Variants in PHOSPHO1 observed in about 807,000 individuals in gnomAD.
PHOSPHO1 encodes phosphoethanolamine/phosphocholine phosphatase.
In PHOSPHO1, 6 loss-of-function variants were observed where a neutral mutation model predicts 17.7. The observed-to-expected ratio is 0.34, with a 90% CI of 0.19 to 0.67. PHOSPHO1 has a LOEUF of 0.67. Among genes scored for constraint, PHOSPHO1 ranks in the 30% least tolerant of loss-of-function variants. The pLI is 0.69. For synonymous variants in PHOSPHO1, 159 were observed against 174.6 expected (o/e 0.91, Z 0.71); for missense variants, 330 against 392.1 (o/e 0.84, Z 1.34).
chr17:49,227,453 G>A (rs2043368371), intron 1 of PHOSPHO1, among the ~76,000 whole-genome samples: 1 of 152,138 alleles, frequency 6.6e-6, no homozygotes, highest in Non-Finnish European at 1.5e-5. Flanking sequence ...CAGTGGCAAA[G>A]GACACCACCT....
Position 49,224,076 on chromosome 17 carries a change from G to C in PHOSPHO1, c.*170C>G. ...CGAGGTGGGTTAACTGAATAGATAG[G>C]GACGGCTCTGAGCCCCCTTCCCCAA... is the stretch of plus-strand genomic sequence containing the variant. On this transcript the variant is annotated 3_prime_UTR_variant, in exon 3 of 3. Transcript: ENST00000310544. 1 of 1,010,412 alleles carries C rather than the reference G, an allele frequency of 9.9e-7. No individual in the cohort carries two copies. Among genetic ancestry groups the C allele is most frequent in the Non-Finnish European group, 1.4e-6 (1 of 715,810 alleles). The allele number at this position is 1,010,412 out of a possible 1,614,324, so 62.6% of individuals were successfully genotyped here.
rs1387466181 is a variant in PHOSPHO1 at position 49,224,899 on chromosome 17, G to A, written c.151C>T (p.Pro51Ser). 1.2e-6 allele frequency: 2 copies of A among 1,601,418 alleles called. No individual in the cohort carries two copies. Among genetic ancestry groups the A allele is most frequent in the African/African-American group, 2.7e-5 (2 of 74,714 alleles). ...NSDDSIVRAAPGQRLPESLRA... is the reference protein window; with the variant it reads ...NSDDSIVRAASGQRLPESLRA... ...AGGCTCTCCGGGAGCCGCTGGCCCG[G>A]CGCGGCGCGCACGATCGAATCGTCG... The change falls in exon 3 of 3, where the codon CCG becomes TCG. Residue 51 changes from proline (P) to serine (S), a missense_variant. Physicochemically the swap from Pro to Ser is moderately conservative, Grantham distance 74. Transcript: ENST00000310544.
intron 1 of PHOSPHO1, among the ~76,000 whole-genome samples, chr17:49,228,032 T>C (rs1479746777): frequency 6.6e-6 from 1 of 152,142 alleles, no homozygotes; most frequent in East Asian, 1.9e-4. Context: ...ACCTTCCAGA[T>C]TCCCAGCTGA....
At chr17:49,228,517 G>C (rs563054788) in intron 1 of PHOSPHO1, among the ~76,000 whole-genome samples, 3 of 151,938 alleles carry the variant, frequency 2.0e-5, no homozygotes, top group Admixed American at 1.3e-4. Context: ...AAGGCCGGGC[G>C]TGGTGGCTCA....
chr17:49,230,212 CG>C (rs2043399558), intron 1 of PHOSPHO1, among the ~76,000 whole-genome samples: 1 of 152,052 alleles, frequency 6.6e-6, no homozygotes, highest in South Asian at 2.1e-4. Flanking sequence ...CCAATGCGGG[CG>C]GGGGGTGCGC....
rs774886790 is a variant in PHOSPHO1 at position 49,226,625 on chromosome 17, AC to A, written c.45+21del. 14 of 1,613,236 alleles carry A rather than the reference AC, an allele frequency of 8.7e-6. No individual in the cohort carries two copies. In the African/African-American group the frequency reaches 1.6e-4, roughly 18 times the overall value. Reference sequence around the variant, plus strand: ...GGGGGCTGAGGCCTCATCCTAGGAGACCCCTGGAGGGACCCACTTACCCTAG... The same window carrying A: ...GGGGGCTGAGGCCTCATCCTAGGAGACCCTGGAGGGACCCACTTACCCTAG... On this transcript the variant is annotated intron_variant, in intron 2 of 2. Coordinates refer to ENST00000310544, the MANE Select transcript of PHOSPHO1 (RefSeq NM_178500.4).
rs867062148 is a variant in PHOSPHO1, at chr17:49,225,785, A to G, written c.46-781T>C. The stretch of plus-strand genomic sequence containing the variant: ...CACCAGGCCATGACACACCTGGGAG[A>G]CAGGTAAGGGAGAAGAGAAGAGAGC... On this transcript the variant is annotated intron_variant, in intron 2 of 2. Transcript: ENST00000310544. The G allele has an allele frequency of 2.2e-5, 27 of 1,255,616 alleles. No homozygotes were observed. In the African/African-American group the frequency reaches 2.8e-4, roughly 13 times the overall value. 77.8% of individuals were successfully genotyped at this position (1,255,616 alleles called of 1,614,324 possible). A position where few individuals can be genotyped will look rare whatever the true frequency, so the allele number is the denominator to read the frequency against.
intron 2 of PHOSPHO1, chr17:49,225,797 G>A: frequency 8.1e-7 from 1 of 1,238,964 alleles, no homozygotes; most frequent in Non-Finnish European, 1.0e-6. Context: ...AGGTAAGGGA[G>A]AAGAGAAGAG....
At chr17:49,228,764 T>A (rs1280701272) in intron 1 of PHOSPHO1, among the ~76,000 whole-genome samples, 1 of 129,078 alleles carries the variant, frequency 7.7e-6, no homozygotes, top group East Asian at 2.3e-4. Flanking sequence ...CATTCCAGCC[T>A]GGGCGACAGC....
chr17:49,226,912 A>G (rs1015392269), intron 1 of PHOSPHO1, among the ~76,000 whole-genome samples, 154 bp from the exon 2 acceptor site: 1 of 152,118 alleles, frequency 6.6e-6, no homozygotes, highest in Non-Finnish European at 1.5e-5. Context: ...AGTGCCTACA[A>G]CTCTAGAGAG....
chr17:49,224,219 C>G lies in PHOSPHO1; in HGVS notation c.*27G>C, dbSNP rs1413559387. On this transcript the variant is annotated 3_prime_UTR_variant, in exon 3 of 3. Transcript: ENST00000310544. ...TTCCCCGCCCCCTCCGCCGTTGGCC[C>G]GGGTACCCCCCTGCAGGCGGCCAGA... The G allele has an allele frequency of 5.2e-6, 8 of 1,525,954 alleles. No individual in the cohort carries two copies. Among genetic ancestry groups the G allele is most frequent in the Non-Finnish European group, 7.0e-6 (8 of 1,143,416 alleles). The allele number at this position is 1,525,954 out of a possible 1,614,324, so 94.5% of individuals were successfully genotyped here. A position where few individuals can be genotyped will look rare whatever the true frequency, so the allele number is the denominator to read the frequency against.
chr17:49,224,720 T>G lies in PHOSPHO1; in HGVS notation c.330A>C (p.Ala110=). ...TCACCTCGAAGCAGGCGCCCTGTTT[T>G]GCCACAAACTGCAGCAGGTCGCTCA... is the stretch of plus-strand genomic sequence containing the variant. ...PGMSDLLQFV[A]KQGACFEVIL... The change falls in exon 3 of 3, where the codon GCA becomes GCC. Residue 110 remains alanine, a synonymous_variant. Coordinates refer to ENST00000310544, the MANE Select transcript of PHOSPHO1 (RefSeq NM_178500.4). 1 of 1,597,186 alleles carries G rather than the reference T, an allele frequency of 6.3e-7. No homozygotes were observed. Among genetic ancestry groups the G allele is most frequent in the Non-Finnish European group, 8.5e-7 (1 of 1,172,650 alleles).
intron 1 of PHOSPHO1, among the ~76,000 whole-genome samples, chr17:49,227,958 C>T (rs1352416897): frequency 6.6e-6 from 1 of 152,066 alleles, no homozygotes; most frequent in Non-Finnish European, 1.5e-5. Flanking sequence ...GGGAGGGTTG[C>T]ATGAGGGACA....
chr17:49,224,491 C>A lies in PHOSPHO1; in HGVS notation c.559G>T (p.Glu187Ter). ...AAGTGCACGCCGTCGTGGGCCCGCTCGCGCAGGTAGTCGCTGAGCACCTTG... is the reference window on the plus strand; with the variant it reads ...AAGTGCACGCCGTCGTGGGCCCGCTAGCGCAGGTAGTCGCTGAGCACCTTG... ...KHKVLSDYLR[E>*]RAHDGVHFER... Residue 187 changes from glutamate to a stop codon, truncating the protein, a stop_gained, in exon 3 of 3, where the codon GAG becomes TAG. Coordinates refer to ENST00000310544, the MANE Select transcript of PHOSPHO1 (RefSeq NM_178500.4). LOFTEE classifies it high-confidence loss of function. 1.3e-6 allele frequency: 2 copies of A among 1,571,130 alleles called. No homozygotes were observed. Among genetic ancestry groups the A allele is most frequent in the Non-Finnish European group, 1.7e-6 (2 of 1,160,886 alleles).
intron 2 of PHOSPHO1, 125 bp downstream of exon 2, chr17:49,226,522 C>G (rs2043359089): frequency 1.1e-6 from 1 of 941,450 alleles, no homozygotes; most frequent in Non-Finnish European, 1.7e-6. Context: ...TAATGAAGCC[C>G]CAGTAGAGGT....
In PHOSPHO1 at chr17:49,224,517, T is replaced by G. The variant is rs759676496; in HGVS notation, c.533A>C (p.His178Pro). 5.7e-6 allele frequency: 9 copies of G among 1,578,084 alleles called. No homozygotes were observed. Among genetic ancestry groups the G allele is most frequent in the Non-Finnish European group, 7.7e-6 (9 of 1,165,152 alleles). Residue 178 changes from histidine to proline, a missense_variant, in exon 3 of 3, where the codon CAC becomes CCC. Physicochemically the swap from His to Pro is moderately conservative, Grantham distance 77 (BLOSUM62 -2). Coordinates refer to ENST00000310544, the MANE Select transcript of PHOSPHO1 (RefSeq NM_178500.4). ...GCGCAGGTAGTCGCTGAGCACCTTG[T>G]GCTTGCACATGTTGGCGGGGCAGCG... is the stretch of plus-strand genomic sequence containing the variant. ...CARCPANMCK[H>P]KVLSDYLRER...
At chr17:49,228,556 C>T (rs1268020579) in intron 1 of PHOSPHO1, among the ~76,000 whole-genome samples, 1 of 151,676 alleles carries the variant, frequency 6.6e-6, no homozygotes, top group Non-Finnish European at 1.5e-5. Context: ...TTTGGGAGGC[C>T]GAGGCAGGCG....
Position 49,225,013 on chromosome 17 carries a change from A to AG in PHOSPHO1, c.46-10dup, listed in dbSNP as rs1555618613. The AG allele has an allele frequency of 6.7e-7, 1 of 1,502,206 alleles. No homozygotes were observed. Among genetic ancestry groups the AG allele is most frequent in the Non-Finnish European group, 8.9e-7 (1 of 1,126,270 alleles). The allele number at this position is 1,502,206 out of a possible 1,614,324, so 93.1% of individuals were successfully genotyped here. A position where few individuals can be genotyped will look rare whatever the true frequency, so the allele number is the denominator to read the frequency against. On this transcript the variant is annotated splice_polypyrimidine_tract_variant and intron_variant, in intron 2 of 2. Transcript: ENST00000310544. ...GCGGCCATCCTGCCGTCCTGGGAGC[A>AG]GGGGGGAGAGCAGCAGGAGGAGGAG...
chr17:49,225,671 A>G, intron 2 of PHOSPHO1: 1 of 1,289,966 alleles, frequency 7.8e-7, no homozygotes, highest in East Asian at 5.5e-5. Flanking sequence ...CCCCAGGAGG[A>G]ACGTGTCAGC....
Sources: allele counts gnomAD v4.1 joint callset (sites outside exome capture counted in the v4.1 genomes callset), GRCh38; gene constraint gnomAD v4.1.1; transcripts MANE v1.5; gene names NCBI Gene and HGNC (gene_info 2026-07-23, HGNC 2026-07-21).